Variants in GALNT2 observed in about 807,000 individuals in gnomAD.
The protein encoded by GALNT2 is polypeptide N-acetylgalactosaminyltransferase 2, also known as UDP-GalNAc:polypeptide N-acetylgalactosaminyltransferase 2.
Under a neutral mutation model 81.4 loss-of-function variants are expected in GALNT2, and 31 were observed. The observed-to-expected ratio is 0.38, with a 90% CI of 0.29 to 0.51. GALNT2 has a LOEUF of 0.51. Among genes scored for constraint, GALNT2 ranks in the 20% least tolerant of loss-of-function variants. The pLI, the probability that GALNT2 is intolerant of heterozygous loss-of-function variation, is 0.87. For missense variants in GALNT2, 629 were observed against 765.7 expected (o/e 0.82, Z 2.11); for synonymous variants, 303 against 287.4 (o/e 1.05, Z -0.55).
At chr1:230,097,396 A>G (rs947245132) in intron 1 of GALNT2, among the ~76,000 whole-genome samples, 3 of 151,432 alleles carry the variant, frequency 2.0e-5, no homozygotes, top group Admixed American at 6.6e-5. Flanking sequence ...ATTAAACACA[A>G]CTCCCACTCC....
At chr1:230,267,373 G>A (rs765680086) in intron 14 of GALNT2, among the ~76,000 whole-genome samples, 24 of 152,256 alleles carry the variant, frequency 1.6e-4, no homozygotes, top group Non-Finnish European at 2.6e-4. Context: ...GCTCACCTCT[G>A]TGCTGTCCAG....
intron 3 of GALNT2, among the ~76,000 whole-genome samples, chr1:230,205,929 T>A (rs1253195931): frequency 6.6e-6 from 1 of 152,128 alleles, no homozygotes; most frequent in East Asian, 1.9e-4. Flanking sequence ...ACTTGCCCAG[T>A]GATTAAGAGC....
intron 6 of GALNT2, among the ~76,000 whole-genome samples, chr1:230,240,548 T>C (rs1436691537): frequency 6.6e-6 from 1 of 152,170 alleles, no homozygotes; most frequent in Non-Finnish European, 1.5e-5. Context: ...GCCAATATTG[T>C]GCCACTGCAC....
At chr1:230,142,131 T>A (rs2102825407) in intron 1 of GALNT2, among the ~76,000 whole-genome samples, 1 of 152,014 alleles carries the variant, frequency 6.6e-6, no homozygotes, top group African/African-American at 2.4e-5. Context: ...AAGGCTGGGC[T>A]GCATTTTGGG....
intron 1 of GALNT2, among the ~76,000 whole-genome samples, chr1:230,124,601 T>C (rs1222645411): frequency 2.6e-5 from 4 of 152,200 alleles, no homozygotes; most frequent in Non-Finnish European, 5.9e-5. Context: ...GCACTTCTCA[T>C]TGGAGTGATT....
At chr1:230,081,659 T>C (rs910475406) in intron 1 of GALNT2, among the ~76,000 whole-genome samples, 6 of 152,172 alleles carry the variant, frequency 3.9e-5, no homozygotes, top group African/African-American at 1.2e-4. Context: ...GTTCTGTCAA[T>C]TAGAAAAGTG....
chr1:230,126,626 G>A (rs1331589100), intron 1 of GALNT2, among the ~76,000 whole-genome samples: 3 of 152,300 alleles, frequency 2.0e-5, no homozygotes, highest in South Asian at 2.1e-4. Flanking sequence ...CCTCACTCAC[G>A]TACCTCAGTC....
intron 1 of GALNT2, among the ~76,000 whole-genome samples, chr1:230,096,494 T>A (rs910821): frequency 0.28 from 42,801 of 152,006 alleles, 6,054 homozygotes; most frequent in African/African-American, 0.33. Flanking sequence ...TTCCTTCCCC[T>A]TTCCCCTCTC....
At chr1:230,168,357 G>A (rs558504998) in intron 1 of GALNT2, among the ~76,000 whole-genome samples, 109 of 152,316 alleles carry the variant, frequency 7.2e-4, no homozygotes, top group Non-Finnish European at 1.5e-3. Flanking sequence ...CCTTGTGCTC[G>A]CTTTCTCTGG....
intron 2 of GALNT2, among the ~76,000 whole-genome samples, chr1:230,199,205 G>A (rs1663806854): frequency 1.3e-5 from 2 of 152,120 alleles, no homozygotes; most frequent in African/African-American, 4.8e-5. Context: ...CGTTTTGTTG[G>A]TTGTTTTGTG....
intron 8 of GALNT2, 46 bp downstream of exon 8, chr1:230,246,196 C>T: frequency 1.5e-6 from 2 of 1,347,286 alleles, no homozygotes; most frequent in Non-Finnish European, 1.1e-6. Flanking sequence ...CCCGTCTACA[C>T]CAGCATCTGA....
intron 1 of GALNT2, among the ~76,000 whole-genome samples, chr1:230,083,172 G>C (rs1230910416): frequency 1.4e-5 from 2 of 147,206 alleles, no homozygotes; most frequent in Non-Finnish European, 3.0e-5. Flanking sequence ...ACAGAGTGGG[G>C]AGCAGGATGA....
intron 1 of GALNT2, among the ~76,000 whole-genome samples, chr1:230,088,918 C>T (rs1659976805): frequency 1.3e-5 from 2 of 152,044 alleles, no homozygotes; most frequent in African/African-American, 4.8e-5. Context: ...TCCTCATCTC[C>T]CCAGTCCCTG....
At chr1:230,174,177 A>C (rs1380217339) in intron 1 of GALNT2, among the ~76,000 whole-genome samples, 1 of 152,090 alleles carries the variant, frequency 6.6e-6, no homozygotes. Context: ...GAGAAGTTAG[A>C]CTCCAACACC....
At chr1:230,066,920 C>T (rs1659198926), upstream of GALNT2, among the ~76,000 whole-genome samples, 1 of 150,946 alleles carries the variant, frequency 6.6e-6, no homozygotes, top group African/African-American at 2.4e-5. Context: ...GGCGGGGCGG[C>T]GCCCAGGCCC....
chr1:230,228,417 G>C (rs1487075439), intron 3 of GALNT2, among the ~76,000 whole-genome samples: 2 of 151,984 alleles, frequency 1.3e-5, no homozygotes, highest in Non-Finnish European at 2.9e-5. Flanking sequence ...CATGGTACAG[G>C]TGCGGGGTTA....
chr1:230,183,173 A>G (rs1489625667), intron 2 of GALNT2, among the ~76,000 whole-genome samples: 1 of 152,110 alleles, frequency 6.6e-6, no homozygotes, highest in East Asian at 1.9e-4. Flanking sequence ...TGTTTTATTT[A>G]TAGTGGATTT....
At chr1:230,184,901 C>T (rs145913078) in intron 2 of GALNT2, among the ~76,000 whole-genome samples, 2,382 of 152,190 alleles carry the variant, frequency 0.016, 26 homozygotes, top group Middle Eastern at 0.031. Context: ...TTCCACAGTT[C>T]TTGGATATTA....
chr1:230,263,922 C>T (rs570671589), intron 13 of GALNT2: 6 of 152,380 alleles, frequency 3.9e-5, no homozygotes, highest in African/African-American at 1.4e-4. Context: ...TCTGTTGCTC[C>T]TGTTCGCTCA....
Sources: allele counts gnomAD v4.1 joint callset (sites outside exome capture counted in the v4.1 genomes callset), GRCh38; gene constraint gnomAD v4.1.1; transcripts MANE v1.5; gene names NCBI Gene and HGNC (gene_info 2026-07-23, HGNC 2026-07-21).